Variants in CNTN1 observed in about 807,000 individuals in gnomAD.
The protein encoded by CNTN1 is contactin-1.
CNTN1 carries 38 observed loss-of-function variants against 126.4 expected under a neutral mutation model. That is an observed-to-expected ratio of 0.30 (90% confidence interval 0.23 to 0.39). CNTN1 has a LOEUF of 0.39. Among genes scored for constraint, CNTN1 ranks in the 10% least tolerant of loss-of-function variants. The probability of loss-of-function intolerance (pLI) is 1.00; values close to 1 mark genes in which losing one functional copy is unlikely to be tolerated. For missense variants in CNTN1, 1,009 were observed against 1,248.4 expected, an observed-to-expected ratio of 0.81 and a Z score of 2.89; for synonymous variants, 413 against 422.6, an observed-to-expected ratio of 0.98 and a Z score of 0.28.
In CNTN1 at chr12:40,924,594, C is replaced by T. The variant is rs1302563517; in HGVS notation, c.438C>T (p.Val146=). The T allele has an allele frequency of 6.2e-7, 1 of 1,607,794 alleles. No individual in the cohort carries two copies. Among genetic ancestry groups the T allele is most frequent in the Non-Finnish European group, 8.5e-7 (1 of 1,174,980 alleles). ...TCCCACCTGAGGAACGTCCTGAGGT[C>T]AGAGTAAAAGAAGGGAAAGGAATGG... ...DPFPPEERPE[V]RVKEGKGMVL... The change falls in exon 6 of 24, where the codon GTC becomes GTT. Residue 146 remains valine, a synonymous_variant. Transcript: ENST00000551295.
chr12:40,752,437 T>C (rs1245605245), intron 1 of CNTN1, among the ~76,000 whole-genome samples: 1 of 152,116 alleles, frequency 6.6e-6, no homozygotes, highest in East Asian at 1.9e-4. Context: ...TGTAAAGGCA[T>C]TAAAACATTT....
chr12:40,922,167 G>C, intron 4 of CNTN1, 89 bp from the exon 5 acceptor site: 1 of 1,107,120 alleles, frequency 9.0e-7, no homozygotes, highest in Non-Finnish European at 1.4e-6. Context: ...ACATGGAGCC[G>C]TACCCAAATT....
chr12:40,846,093 G>A lies in CNTN1; in HGVS notation c.-76-62264G>A, dbSNP rs78884705. ...TTACTTCAGCAATAACACTGCGGAG[G>A]AAGTTAGAAAAACAGTAAACTCATA... On this transcript the variant is annotated intron_variant, in intron 1 of 23. Transcript: ENST00000551295. Among the ~76,000 whole-genome samples, 1,459 of 152,184 alleles carry A rather than the reference G, an allele frequency of 9.6e-3. 15 individuals carry two copies. The highest frequency in any genetic ancestry group is 0.017 in the Middle Eastern group (5 of 294).
chr12:40,772,825 A>G (rs1222697228), intron 1 of CNTN1, among the ~76,000 whole-genome samples: 2 of 151,974 alleles, frequency 1.3e-5, no homozygotes, highest in East Asian at 3.9e-4. Flanking sequence ...GAAGGGCTTC[A>G]TTAGCATGGG....
At chr12:40,997,874 G>A (rs1948257950) in intron 17 of CNTN1, among the ~76,000 whole-genome samples, 1 of 152,070 alleles carries the variant, frequency 6.6e-6, no homozygotes, top group South Asian at 2.1e-4. Flanking sequence ...AAAACTAGTT[G>A]TACATATTTA....
Position 40,947,317 on chromosome 12 carries a change from A to C in CNTN1, c.1683+3147A>C, listed in dbSNP as rs974591598. Among the ~76,000 whole-genome samples, 4 of 152,162 alleles carry C rather than the reference A, an allele frequency of 2.6e-5. No homozygotes were observed. The East Asian group carries it at 7.7e-4, about 29-fold the overall frequency. On this transcript the variant is annotated intron_variant, in intron 14 of 23. Coordinates refer to ENST00000551295, the MANE Select transcript of CNTN1 (RefSeq NM_001843.4). The stretch of plus-strand genomic sequence containing the variant: ...ACAAGCTCGAAGCAGAAATTTAATA[A>C]ATCTGAGGCTTTGATACAATAAGAT...
intron 1 of CNTN1, among the ~76,000 whole-genome samples, chr12:40,846,890 T>C (rs1333407800): frequency 6.6e-6 from 1 of 151,424 alleles, no homozygotes; most frequent in Non-Finnish European, 1.5e-5. Flanking sequence ...TTTTCTGAGA[T>C]GGAGTCTCAC....
At chr12:40,695,908 A>G (rs1380268090) in intron 1 of CNTN1, among the ~76,000 whole-genome samples, 3 of 152,120 alleles carry the variant, frequency 2.0e-5, no homozygotes, top group Admixed American at 2.0e-4. Context: ...TCTCCCTCCC[A>G]TTAGCCATTT....
intron 14 of CNTN1, among the ~76,000 whole-genome samples, chr12:40,949,417 T>TTC (rs1566017722): frequency 1.0e-5 from 1 of 100,166 alleles, no homozygotes; most frequent in Non-Finnish European, 2.1e-5. Context: ...ATGCTATCCC[T>TTC]ACCCCCCCTC....
At chr12:40,839,634 G>GA (rs1942200626) in intron 1 of CNTN1, among the ~76,000 whole-genome samples, 4 of 152,128 alleles carry the variant, frequency 2.6e-5, no homozygotes, top group African/African-American at 7.2e-5. Context: ...ACTCAGTGCT[G>GA]AAAAAATGTC....
intron 12 of CNTN1, 46 bp downstream of exon 12, chr12:40,939,531 A>T (rs1293555980): frequency 6.2e-7 from 1 of 1,602,640 alleles, no homozygotes; most frequent in Non-Finnish European, 8.5e-7. Flanking sequence ...TGTTTGAAAA[A>T]GTTTATTTTA....
intron 1 of CNTN1, among the ~76,000 whole-genome samples, chr12:40,866,820 C>T (rs185643908): frequency 6.6e-5 from 10 of 152,216 alleles, no homozygotes; most frequent in African/African-American, 2.4e-4. Context: ...ATCATAGCAA[C>T]TCTGGATACT....
chr12:40,703,857 TA>T (rs1255031548), intron 1 of CNTN1, among the ~76,000 whole-genome samples: 1 of 152,154 alleles, frequency 6.6e-6, no homozygotes, highest in African/African-American at 2.4e-5. Flanking sequence ...GCATTGGGGC[TA>T]GAGATACAGT....
At chr12:40,897,918 G>A (rs1944468170) in intron 1 of CNTN1, among the ~76,000 whole-genome samples, 1 of 152,094 alleles carries the variant, frequency 6.6e-6, no homozygotes, top group Non-Finnish European at 1.5e-5. Flanking sequence ...TCAACACATG[G>A]CATTTAAGGT....
At chr12:40,821,961 AAAAC>A (rs146620135) in intron 1 of CNTN1, among the ~76,000 whole-genome samples, 3,404 of 151,682 alleles carry the variant, frequency 0.022, 123 homozygotes, top group African/African-American at 0.078. Context: ...ATAGTATTCA[AAAAC>A]AAAATCAAAA....
At chr12:40,836,063 C>T (rs1359124185) in intron 1 of CNTN1, among the ~76,000 whole-genome samples, 1 of 145,618 alleles carries the variant, frequency 6.9e-6, no homozygotes, top group Non-Finnish European at 1.5e-5. Context: ...TATATGTATA[C>T]AGGTGTATAT....
At chr12:41,051,893 A>AACACACACACACACACACAC (rs71078300) in intron 23 of CNTN1, among the ~76,000 whole-genome samples, 1 of 134,488 alleles carries the variant, frequency 7.4e-6, no homozygotes, top group Admixed American at 7.5e-5. Context: ...ACCCCACACA[A>AACACACACACACACACACAC]ACACACACAC....
chr12:40,742,049 T>C (rs1455829507), intron 1 of CNTN1, among the ~76,000 whole-genome samples: 2 of 152,036 alleles, frequency 1.3e-5, no homozygotes, highest in Non-Finnish European at 2.9e-5. Context: ...ACAAAACTCC[T>C]TCTATTTATA....
rs370984371 is a variant in CNTN1 at position 40,707,227 on chromosome 12, C to CTTTTTTTTTTTTTTTTTTT, written c.-77+14656_-77+14674dup. 8.0e-4 allele frequency among the ~76,000 whole-genome samples: 87 copies of CTTTTTTTTTTTTTTTTTTT among 109,170 alleles called. 6 individuals are homozygous for CTTTTTTTTTTTTTTTTTTT. Among genetic ancestry groups the CTTTTTTTTTTTTTTTTTTT allele is most frequent in the African/African-American group, 2.3e-3 (59 of 26,096 alleles). The allele number at this position is 109,170 out of a possible 152,430, so 71.6% of individuals were successfully genotyped here. A position where few individuals can be genotyped will look rare whatever the true frequency, so the allele number is the denominator to read the frequency against. On this transcript the variant is annotated intron_variant, in intron 1 of 23. Coordinates refer to ENST00000551295, the MANE Select transcript of CNTN1 (RefSeq NM_001843.4). ...TTCCTCTTTCATTTCTTTTCTTTTTCTTTTTTTTTTTTTTTTTTTTTTTTT... is the reference window on the plus strand; with the variant it reads ...TTCCTCTTTCATTTCTTTTCTTTTTCTTTTTTTTTTTTTTTTTTTTTTTTTTTTTTTTTTTTTTTTTTTT...
Sources: allele counts gnomAD v4.1 joint callset (sites outside exome capture counted in the v4.1 genomes callset), GRCh38; gene constraint gnomAD v4.1.1; transcripts MANE v1.5; gene names NCBI Gene and HGNC (gene_info 2026-07-23, HGNC 2026-07-21).